Variants in ZFAND3 observed in about 807,000 individuals in gnomAD.
ZFAND3 encodes zinc finger AN1-type containing 3, also known as AN1-type zinc finger protein 3.
A neutral mutation model predicts 29.6 loss-of-function variants in ZFAND3; 10 were observed. That is an observed-to-expected ratio of 0.34 (90% confidence interval 0.21 to 0.57). ZFAND3 has a LOEUF of 0.57. Among genes scored for constraint, ZFAND3 ranks in the 20% least tolerant of loss-of-function variants. The pLI is 0.86. For missense variants in ZFAND3, 230 were observed against 304.5 expected (o/e 0.76, Z 1.82); for synonymous variants, 128 against 112.6 (o/e 1.14, Z -0.87).
intron 5 of ZFAND3, among the ~76,000 whole-genome samples, chr6:38,145,766 T>G (rs2127497456): frequency 6.6e-6 from 1 of 152,306 alleles, no homozygotes; most frequent in Middle Eastern, 3.4e-3. Flanking sequence ...CATGGGTCAT[T>G]AGGGCCATAG....
At chr6:38,116,138 A>G (rs142453795) in intron 4 of ZFAND3, among the ~76,000 whole-genome samples, 13 of 152,348 alleles carry the variant, frequency 8.5e-5, no homozygotes, top group African/African-American at 1.7e-4. Context: ...TACATTAGAC[A>G]TAGTCCCATC....
At chr6:37,823,619 G>T (rs1054681502) in intron 1 of ZFAND3, among the ~76,000 whole-genome samples, 2 of 152,118 alleles carry the variant, frequency 1.3e-5, no homozygotes, top group African/African-American at 2.4e-5. Flanking sequence ...CTTGTAACAC[G>T]TGGTTCCAGT....
At chr6:37,964,820 T>C (rs1762262112) in intron 2 of ZFAND3, among the ~76,000 whole-genome samples, 1 of 152,184 alleles carries the variant, frequency 6.6e-6, no homozygotes, top group Admixed American at 6.5e-5. Context: ...GTTCATATCA[T>C]TTACTGTGGA....
intron 1 of ZFAND3, among the ~76,000 whole-genome samples, chr6:37,893,042 T>TAC (rs144349192): frequency 3.6e-4 from 54 of 151,692 alleles, no homozygotes; most frequent in African/African-American, 8.0e-4. Flanking sequence ...ATACCAGTTC[T>TAC]ACACACACAC....
intron 4 of ZFAND3, among the ~76,000 whole-genome samples, chr6:38,085,175 G>A (rs987069790): frequency 3.3e-5 from 5 of 152,194 alleles, no homozygotes; most frequent in African/African-American, 1.2e-4. Flanking sequence ...GGCTCTTCAA[G>A]TTAGGATTCA....
intron 4 of ZFAND3, among the ~76,000 whole-genome samples, chr6:38,099,237 C>A (rs1190407568): frequency 6.6e-6 from 1 of 152,148 alleles, no homozygotes; most frequent in Non-Finnish European, 1.5e-5. Flanking sequence ...CCAATAAATT[C>A]ACTGGTTTAT....
At chr6:37,989,535 C>T (rs1561957850) in intron 2 of ZFAND3, among the ~76,000 whole-genome samples, 1 of 152,130 alleles carries the variant, frequency 6.6e-6, no homozygotes, top group Non-Finnish European at 1.5e-5. Context: ...ACCTAAATAG[C>T]CCCACAAGTC....
chr6:38,059,348 G>A (rs1300775818), intron 2 of ZFAND3, among the ~76,000 whole-genome samples: 5 of 151,928 alleles, frequency 3.3e-5, no homozygotes, highest in East Asian at 1.9e-4. Flanking sequence ...TTATTATACC[G>A]TGTATATCTT....
At chr6:37,910,685 C>G (rs1008532731) in intron 1 of ZFAND3, among the ~76,000 whole-genome samples, 1 of 152,132 alleles carries the variant, frequency 6.6e-6, no homozygotes, top group Non-Finnish European at 1.5e-5. Flanking sequence ...ATTTATTCCT[C>G]CTAACTGAAA....
intron 3 of ZFAND3, among the ~76,000 whole-genome samples, chr6:38,081,746 A>G (rs2127470690): frequency 6.6e-6 from 1 of 152,100 alleles, no homozygotes; most frequent in East Asian, 1.9e-4. Flanking sequence ...CAACAACTAT[A>G]TCTCTTGCAT....
At chr6:37,928,701 A>T (rs1048194387) in intron 1 of ZFAND3, among the ~76,000 whole-genome samples, 2 of 152,066 alleles carry the variant, frequency 1.3e-5, no homozygotes, top group Admixed American at 1.3e-4. Flanking sequence ...TTTTTAGTAG[A>T]CATGGGGTTT....
At chr6:37,862,712 A>G (rs1764515271) in intron 1 of ZFAND3, among the ~76,000 whole-genome samples, 1 of 151,460 alleles carries the variant, frequency 6.6e-6, no homozygotes, top group Admixed American at 6.6e-5. Flanking sequence ...TCTAAAAAAA[A>G]CAAAACAAAA....
chr6:37,870,067 C>T (rs957558005), intron 1 of ZFAND3, among the ~76,000 whole-genome samples: 8 of 151,738 alleles, frequency 5.3e-5, no homozygotes, highest in African/African-American at 1.5e-4. Context: ...AATTTCGGTA[C>T]GTTGTGTTTT....
chr6:38,048,586 C>T (rs894312274), intron 2 of ZFAND3, among the ~76,000 whole-genome samples: 1 of 104,686 alleles, frequency 9.6e-6, no homozygotes, highest in African/African-American at 4.0e-5. Context: ...CGCGCCACTG[C>T]ACTCCAGCCT....
chr6:38,041,681 T>TCTTCTTCTCCTTCTCCTTCTC (rs1561976775), intron 2 of ZFAND3, among the ~76,000 whole-genome samples: 2 of 13,738 alleles, frequency 1.5e-4, no homozygotes, highest in African/African-American at 4.4e-4. Context: ...TTCTTCTTCT[T>TCTTCTTCTCCTTCTCCTTCTC]CTTCTCCTTC....
chr6:37,978,368 A>G (rs1379751344), intron 2 of ZFAND3, among the ~76,000 whole-genome samples: 2 of 152,118 alleles, frequency 1.3e-5, no homozygotes, highest in Non-Finnish European at 2.9e-5. Flanking sequence ...TCTACATTTC[A>G]TCATGGATGT....
intron 1 of ZFAND3, among the ~76,000 whole-genome samples, chr6:37,928,336 G>T (rs1477799595): frequency 6.6e-6 from 1 of 152,120 alleles, no homozygotes; most frequent in South Asian, 2.1e-4. Context: ...GGCAGTTCTG[G>T]TCAAAGGCTC....
intron 1 of ZFAND3, among the ~76,000 whole-genome samples, chr6:37,840,439 A>G (rs1048032885): frequency 2.6e-5 from 4 of 152,202 alleles, no homozygotes; most frequent in African/African-American, 9.7e-5. Flanking sequence ...CCAATGTCAC[A>G]CTGTCTTGAG....
At chr6:37,871,209 C>T (rs1227100834) in intron 1 of ZFAND3, among the ~76,000 whole-genome samples, 1 of 152,154 alleles carries the variant, frequency 6.6e-6, no homozygotes, top group African/African-American at 2.4e-5. Context: ...TGAATAGTAT[C>T]TATTCTAAGT....
Sources: gnomAD v4.1 joint callset for allele counts (sites outside exome capture counted in the v4.1 genomes callset) on GRCh38, gnomAD v4.1.1 for gene constraint, MANE v1.5 for transcripts, NCBI Gene and HGNC (gene_info 2026-07-23, HGNC 2026-07-21) for gene names.